DSCAM: variants seen among roughly 807,000 people sequenced by gnomAD.
The protein encoded by DSCAM is DS cell adhesion molecule.
DSCAM carries 47 observed loss-of-function variants against 217.7 expected under a neutral mutation model. The observed-to-expected ratio is 0.22, with a 90% CI of 0.17 to 0.28. The LOEUF (loss-of-function observed/expected upper bound fraction) is 0.28, where lower values mean the gene tolerates loss of function less well. DSCAM is among the 10% of genes least tolerant of loss of function. DSCAM has a pLI of 1.00. For missense variants in DSCAM, 2,080 were observed against 2,618.3 expected, an observed-to-expected ratio of 0.79 and a Z score of 4.49; for synonymous variants, 1,056 against 1,015.3, an observed-to-expected ratio of 1.04 and a Z score of -0.76.
chr21:40,120,909 A>C (rs936022766), intron 20 of DSCAM, among the ~76,000 whole-genome samples: 4 of 152,220 alleles, frequency 2.6e-5, no homozygotes, highest in Non-Finnish European at 5.9e-5. Flanking sequence ...TGTCTATTTT[A>C]ACAGGGTTCT....
intron 11 of DSCAM, among the ~76,000 whole-genome samples, chr21:40,229,390 A>T (rs2091360817): frequency 6.6e-6 from 1 of 152,180 alleles, no homozygotes; most frequent in African/African-American, 2.4e-5. Context: ...ATTAAGATTC[A>T]TTCTTTTTGC....
At chr21:40,820,954 T>C (rs916511592) in intron 1 of DSCAM, among the ~76,000 whole-genome samples, 1 of 151,696 alleles carries the variant, frequency 6.6e-6, no homozygotes, top group African/African-American at 2.4e-5. Flanking sequence ...GTACAGCAAG[T>C]TTTTTGTACC....
chr21:40,629,100 TGTGTGTGTGTG>T (rs2089652073), intron 3 of DSCAM, among the ~76,000 whole-genome samples: 1 of 128,278 alleles, frequency 7.8e-6, no homozygotes, highest in African/African-American at 3.0e-5. Context: ...TGTGTGTGTG[TGTGTGTGTGTG>T]TGTGTGTGAT....
intron 3 of DSCAM, among the ~76,000 whole-genome samples, chr21:40,415,525 G>A (rs567569927): frequency 8.2e-4 from 125 of 152,358 alleles, no homozygotes; most frequent in Middle Eastern, 3.4e-3. Flanking sequence ...TGTTTTCAAG[G>A]AGCACAGTTG....
At chr21:40,568,896 C>A (rs1185066570) in intron 3 of DSCAM, among the ~76,000 whole-genome samples, 1 of 152,136 alleles carries the variant, frequency 6.6e-6, no homozygotes, top group Non-Finnish European at 1.5e-5. Context: ...AGCAGGAGGC[C>A]TCTTCCCTTG....
intron 1 of DSCAM, among the ~76,000 whole-genome samples, chr21:40,746,877 C>A (rs550565050): frequency 6.6e-6 from 1 of 151,848 alleles, no homozygotes; most frequent in South Asian, 2.1e-4. Flanking sequence ...TTTCTGACCA[C>A]CATGGAATAA....
intron 11 of DSCAM, among the ~76,000 whole-genome samples, chr21:40,248,212 C>T (rs1569022224): frequency 1.3e-5 from 2 of 152,186 alleles, no homozygotes; most frequent in Non-Finnish European, 1.5e-5. Flanking sequence ...GCCCTGGAGA[C>T]ATTTTCCCCA....
chr21:40,294,414 T>TA (rs1024901143), intron 10 of DSCAM, among the ~76,000 whole-genome samples: 4 of 152,036 alleles, frequency 2.6e-5, no homozygotes, highest in Non-Finnish European at 5.9e-5. Flanking sequence ...AAAGACTATT[T>TA]AAAAAAAATG....
intron 3 of DSCAM, among the ~76,000 whole-genome samples, chr21:40,679,148 T>C (rs1223329075): frequency 6.6e-6 from 1 of 152,152 alleles, no homozygotes; most frequent in East Asian, 1.9e-4. Context: ...AAATTTGATT[T>C]TAGAGTAGTA....
chr21:40,475,768 T>C (rs1354122791), intron 3 of DSCAM, among the ~76,000 whole-genome samples: 1 of 151,918 alleles, frequency 6.6e-6, no homozygotes. Context: ...GAGGCGGAGG[T>C]TGCAGTGAGC....
chr21:40,161,274 T>C (rs532607253), intron 16 of DSCAM, among the ~76,000 whole-genome samples: 17 of 152,068 alleles, frequency 1.1e-4, no homozygotes, highest in South Asian at 2.1e-4. Flanking sequence ...AGTAACCCAA[T>C]GTATAGACGG....
At chr21:40,535,416 T>C (rs1206227842) in intron 3 of DSCAM, among the ~76,000 whole-genome samples, 1 of 152,194 alleles carries the variant, frequency 6.6e-6, no homozygotes, top group Non-Finnish European at 1.5e-5. Flanking sequence ...GCCTGCCACA[T>C]TGTATCTCAA....
intron 3 of DSCAM, among the ~76,000 whole-genome samples, chr21:40,440,786 C>T (rs2075623126): frequency 6.7e-6 from 1 of 149,376 alleles, no homozygotes; most frequent in African/African-American, 2.5e-5. Context: ...CTCAGGGCTA[C>T]CCCATATGAC....
chr21:40,522,867 T>C (rs1204656533), intron 3 of DSCAM, among the ~76,000 whole-genome samples: 1 of 152,058 alleles, frequency 6.6e-6, no homozygotes, highest in African/African-American at 2.4e-5. Context: ...CAGAAGCACA[T>C]GTAATTGTCA....
At chr21:40,108,822 A>G (rs1369246048) in intron 20 of DSCAM, among the ~76,000 whole-genome samples, 1 of 152,212 alleles carries the variant, frequency 6.6e-6, no homozygotes, top group African/African-American at 2.4e-5. Flanking sequence ...ATGGAACAGA[A>G]TAAAGAACCC....
At chr21:40,033,440 C>A (rs1404244274) in intron 32 of DSCAM, among the ~76,000 whole-genome samples, 2 of 152,204 alleles carry the variant, frequency 1.3e-5, no homozygotes, top group East Asian at 1.9e-4. Flanking sequence ...TCGGGTCACT[C>A]CCACCCGAAT....
At chr21:40,341,273 T>C (rs150738025) in intron 6 of DSCAM, among the ~76,000 whole-genome samples, 95 of 152,370 alleles carry the variant, frequency 6.2e-4, no homozygotes, top group African/African-American at 2.2e-3. Context: ...TTGCTATTCA[T>C]TGTCCATGAT....
At chr21:40,213,326 G>A (rs2091203835) in intron 11 of DSCAM, among the ~76,000 whole-genome samples, 1 of 152,160 alleles carries the variant, frequency 6.6e-6, no homozygotes, top group African/African-American at 2.4e-5. Flanking sequence ...GTGAGCCATG[G>A]GGTGAAGGAT....
At chr21:40,667,555 A>C (rs2090218139) in intron 3 of DSCAM, among the ~76,000 whole-genome samples, 1 of 152,096 alleles carries the variant, frequency 6.6e-6, no homozygotes. Flanking sequence ...CTGTGTCCTC[A>C]CCAACATCTC....
Sources: allele counts gnomAD v4.1 joint callset (sites outside exome capture counted in the v4.1 genomes callset), GRCh38; gene constraint gnomAD v4.1.1; transcripts MANE v1.5; gene names NCBI Gene and HGNC (gene_info 2026-07-23, HGNC 2026-07-21).